RIC3: variants seen among roughly 807,000 people sequenced by gnomAD.
RIC3 encodes RIC3 acetylcholine receptor chaperone.
In RIC3, 28 loss-of-function variants were observed where a neutral mutation model predicts 27.3. That is an observed-to-expected ratio of 1.02 (90% CI 0.76 to 1.41). The LOEUF is 1.41. RIC3 is among the 40% of genes most tolerant of loss of function. The probability of loss-of-function intolerance (pLI) is 0.00; values close to 1 mark genes in which losing one functional copy is unlikely to be tolerated. For synonymous variants in RIC3, 184 were observed against 160.4 expected (o/e 1.15, Z -1.11); for missense variants, 501 against 444.7 (o/e 1.13, Z -1.14).
intron 5 of RIC3, 140 bp from the exon 6 acceptor site, chr11:8,111,277 T>C (rs55800727): frequency 0.064 from 42,419 of 657,990 alleles, 1,611 homozygotes; most frequent in South Asian, 0.1. Flanking sequence ...AAGATTCCAA[T>C]AGTTCTAAAG....
intron 5 of RIC3, among the ~76,000 whole-genome samples, chr11:8,125,968 G>T (rs995443047): frequency 1.3e-5 from 2 of 152,162 alleles, no homozygotes; most frequent in African/African-American, 4.8e-5. Context: ...GAACCCACGA[G>T]GTAGAGGTTG....
At chr11:8,132,688 AC>A (rs1947878046) in intron 4 of RIC3, among the ~76,000 whole-genome samples, 1 of 152,202 alleles carries the variant, frequency 6.6e-6, no homozygotes, top group Admixed American at 6.5e-5. Flanking sequence ...AGTTTCAGAA[AC>A]TGCAGAGTTT....
At chr11:8,167,872 G>A (rs1302615614) in intron 1 of RIC3, among the ~76,000 whole-genome samples, 1 of 152,182 alleles carries the variant, frequency 6.6e-6, no homozygotes, top group Non-Finnish European at 1.5e-5. Flanking sequence ...TCTGTAAACA[G>A]AATTATGTGT....
intron 1 of RIC3, among the ~76,000 whole-genome samples, chr11:8,159,848 G>T (rs1951015878): frequency 6.6e-6 from 1 of 151,980 alleles, no homozygotes; most frequent in South Asian, 2.1e-4. Flanking sequence ...AAAAAAATTA[G>T]CCAGGCGTGG....
At position 8,107,022 on chromosome 11, in the gene RIC3, T is replaced by C. The variant is rs1283699366; in HGVS notation, c.*3676A>G. On this transcript the variant is annotated 3_prime_UTR_variant, in exon 6 of 6. Transcript: ENST00000309737. ...AAACAGCCCTGTAAATAGAGCATTA[T>C]TCCCAATTCATGGGGAAACTGGTTC... 3 of 152,204 alleles carry C rather than the reference T, an allele frequency of 2.0e-5. No individual in the cohort carries two copies. The allele number at this position is 152,204 out of a possible 1,614,324, so 9.4% of individuals were successfully genotyped here. A position where few individuals can be genotyped will look rare whatever the true frequency, so the allele number is the denominator to read the frequency against.
intron 1 of RIC3, among the ~76,000 whole-genome samples, chr11:8,161,725 G>A (rs1037698503): frequency 2.0e-5 from 3 of 152,172 alleles, no homozygotes; most frequent in Admixed American, 1.3e-4. Context: ...AAAGAGGCCT[G>A]GAGCTGTGCC....
Position 8,140,117 on chromosome 11 carries a change from G to T in RIC3, c.201C>A (p.Phe67Leu). ...PSDGQTPGAR[F>L]QRSHLAEAFA... ...ATGCCTCGGCAAGGTGAGACCTCTGGAAACGAGCCCCAGGAGTCTGGCCAT... is the reference window on the plus strand; with the variant it reads ...ATGCCTCGGCAAGGTGAGACCTCTGTAAACGAGCCCCAGGAGTCTGGCCAT... Residue 67 changes from phenylalanine (F) to leucine (L), a missense_variant, in exon 2 of 6, where the codon TTC becomes TTA. Coordinates refer to ENST00000309737, the MANE Select transcript of RIC3 (RefSeq NM_001206671.4). 6.2e-7 allele frequency: 1 copy of T among 1,614,096 alleles called. No homozygotes were observed. The highest frequency in any genetic ancestry group is 1.1e-5 in the South Asian group (1 of 91,078).
chr11:8,122,455 G>GTATATATATATA (rs200115129), intron 5 of RIC3, among the ~76,000 whole-genome samples: 35 of 151,824 alleles, frequency 2.3e-4, no homozygotes, highest in Middle Eastern at 3.4e-3. Flanking sequence ...ACCACAGTGT[G>GTATATATATATA]TATATATATA....
In RIC3 at chr11:8,107,892, T is replaced by C. The variant is rs551262353; in HGVS notation, c.*2806A>G. 6.6e-6 allele frequency: 1 copy of C among 152,094 alleles called. No homozygotes were observed. Among genetic ancestry groups the C allele is most frequent in the African/African-American group, 2.4e-5 (1 of 41,404 alleles). The allele number at this position is 152,094 out of a possible 1,614,324, so 9.4% of individuals were successfully genotyped here. A position where few individuals can be genotyped will look rare whatever the true frequency, so the allele number is the denominator to read the frequency against. Reference sequence around the variant, plus strand: ...AAGTTCCCAGCACCCTCGTGAGAAATGAAGACCGCAAGAAAAGAGACAGCA... The same window carrying C: ...AAGTTCCCAGCACCCTCGTGAGAAACGAAGACCGCAAGAAAAGAGACAGCA... On this transcript the variant is annotated 3_prime_UTR_variant, in exon 6 of 6. Coordinates refer to ENST00000309737, the MANE Select transcript of RIC3 (RefSeq NM_001206671.4).
intron 1 of RIC3, among the ~76,000 whole-genome samples, chr11:8,148,280 A>G (rs1452659587): frequency 6.6e-6 from 1 of 152,180 alleles, no homozygotes; most frequent in Admixed American, 6.5e-5. Context: ...TCACCATGTC[A>G]CCACCCTTTA....
chr11:8,110,946 G>A lies in RIC3; in HGVS notation c.862C>T (p.Gln288Ter). The change falls in exon 6 of 6, where the codon CAG (glutamine) becomes TAG (stop). Residue 288 changes from glutamine (Q) to a stop codon, truncating the protein, a stop_gained. Transcript: ENST00000309737. LOFTEE classifies it low-confidence loss of function (END_TRUNC). ...CACGAGGTAACAGAATTATCTTCCT[G>A]GGCTCTGGGGTCAGTGGGCAGACTT... ...WESLPTDPRA[Q>*]EDNSVTSCDP... 1.2e-6 allele frequency: 2 copies of A among 1,614,124 alleles called. No homozygotes were observed. Among genetic ancestry groups the A allele is most frequent in the Non-Finnish European group, 1.7e-6 (2 of 1,180,028 alleles).
At chr11:8,133,152 G>A (rs1254781464) in intron 4 of RIC3, among the ~76,000 whole-genome samples, 3 of 152,140 alleles carry the variant, frequency 2.0e-5, no homozygotes, top group African/African-American at 2.4e-5. Context: ...CTGGCCTCTG[G>A]TGCCTCCCTC....
intron 1 of RIC3, among the ~76,000 whole-genome samples, chr11:8,163,036 C>CACACACACACACAT (rs1348589184): frequency 4.1e-5 from 6 of 146,536 alleles, no homozygotes; most frequent in African/African-American, 1.5e-4. Flanking sequence ...CACACACACA[C>CACACACACACACAT]ACACACACAC....
intron 1 of RIC3, among the ~76,000 whole-genome samples, chr11:8,148,968 CAGG>C (rs1233775954): frequency 6.9e-6 from 1 of 144,156 alleles, no homozygotes; most frequent in Non-Finnish European, 1.5e-5. Context: ...ATCACGAGGT[CAGG>C]AGATCAAGAC....
rs578102776 is a variant in RIC3, at chr11:8,110,302, T to A, written c.*396A>T. On this transcript the variant is annotated 3_prime_UTR_variant, in exon 6 of 6. Coordinates refer to ENST00000309737, the MANE Select transcript of RIC3 (RefSeq NM_001206671.4). ...ATCTTGGAGTCTGAAATCTTCATTC[T>A]TGCAACCTTAAGTCCTCATCATCTG... 6.1e-6 allele frequency: 2 copies of A among 328,022 alleles called. No individual in the cohort carries two copies. The highest frequency in any genetic ancestry group is 5.5e-5 in the South Asian group (2 of 36,354). The allele number at this position is 328,022 out of a possible 1,614,324, so 20.3% of individuals were successfully genotyped here.
At chr11:8,100,359 C>G in the RIC3 span, 1 of 672,126 alleles carries the variant, frequency 1.5e-6, no homozygotes, top group Non-Finnish European at 2.7e-6. Flanking sequence ...TCAGTTCTGG[C>G]CGTGTTAGGT....
chr11:8,096,390 G>T, the RIC3 span, among the ~76,000 whole-genome samples: 1 of 152,202 alleles, frequency 6.6e-6, no homozygotes, highest in African/African-American at 2.4e-5. Context: ...TGGCTGCTAG[G>T]TAGTGGGGTA....
the RIC3 span, chr11:8,098,935 T>A: frequency 9.5e-5 from 118 of 1,246,210 alleles, no homozygotes; most frequent in East Asian, 2.7e-3. Flanking sequence ...CAGGACTTGA[T>A]GCCTGATCTA....
intron 5 of RIC3, among the ~76,000 whole-genome samples, chr11:8,124,233 A>C (rs1946774582): frequency 1.3e-5 from 2 of 152,180 alleles, no homozygotes; most frequent in African/African-American, 4.8e-5. Flanking sequence ...AGAAAATAGA[A>C]AAAGGAACAC....
Sources: allele counts gnomAD v4.1 joint callset (sites outside exome capture counted in the v4.1 genomes callset), GRCh38; gene constraint gnomAD v4.1.1; transcripts MANE v1.5; gene names NCBI Gene and HGNC (gene_info 2026-07-23, HGNC 2026-07-21).